Variants in RSBN1 observed in about 807,000 individuals in gnomAD.
RSBN1 encodes the protein round spermatid basic protein 1.
RSBN1 carries 23 observed loss-of-function variants against 74.8 expected under a neutral mutation model. The ratio of observed to expected loss-of-function variants is 0.31; its 90% CI spans 0.22 to 0.44. The LOEUF (loss-of-function observed/expected upper bound fraction) is 0.44, where lower values mean the gene tolerates loss of function less well. Among genes scored for constraint, RSBN1 ranks in the 20% least tolerant of loss-of-function variants. The probability of loss-of-function intolerance (pLI) is 1.00; values close to 1 mark genes in which losing one functional copy is unlikely to be tolerated. For synonymous variants in RSBN1, 407 were observed against 379.6 expected (o/e 1.07, Z -0.84); for missense variants, 808 against 1,020.9 (o/e 0.79, Z 2.84).
At chr1:113,768,002 T>C (rs536658171) in intron 5 of RSBN1, 52 of 397,166 alleles carry the variant, frequency 1.3e-4, no homozygotes, top group African/African-American at 8.3e-4. Flanking sequence ...TCAGTGAGTA[T>C]AGAGTTACAG....
chr1:113,811,837 G>C lies in RSBN1; in HGVS notation c.576C>G (p.His192Gln). 1 of 1,613,782 alleles carries C rather than the reference G, an allele frequency of 6.2e-7. No homozygotes were observed. Among genetic ancestry groups the C allele is most frequent in the Admixed American group, 1.7e-5 (1 of 59,988 alleles). ...CGGGGCCGCGGTGGTGATGGTGCTT[G>C]TGCCGCTCCTTGTGGCCCTTATGCT... is the stretch of plus-strand genomic sequence containing the variant. ...GPKHKGHKER[H>Q]KHHHHRGPDG... Residue 192 changes from histidine (H) to glutamine (Q), a missense_variant, in exon 1 of 7, where the codon CAC becomes CAG. By Grantham distance (24) the His-to-Gln change is conservative. Transcript: ENST00000261441.
intron 1 of RSBN1, among the ~76,000 whole-genome samples, chr1:113,809,700 T>C (rs764174791): frequency 2.0e-5 from 3 of 152,340 alleles, no homozygotes; most frequent in East Asian, 1.9e-4. Context: ...AATGGGCTTA[T>C]CTTAACCCAC....
Position 113,763,965 on chromosome 1 carries a change from A to G in RSBN1, c.*2015T>C, listed in dbSNP as rs1463038743. ...TTAAAAAAAAAAAATTTTTGCTTTA[A>G]CAGCCTTCTCTTCATGATTATTTTT... On this transcript the variant is annotated 3_prime_UTR_variant, in exon 7 of 7. Transcript: ENST00000261441. 1.3e-5 allele frequency: 2 copies of G among 152,426 alleles called. No homozygotes were observed. 9.4% of individuals were successfully genotyped at this position (152,426 alleles called of 1,614,324 possible).
chr1:113,774,720 GTGGCAGGCACC>G (rs922752617), intron 4 of RSBN1, among the ~76,000 whole-genome samples: 3 of 151,706 alleles, frequency 2.0e-5, no homozygotes, highest in African/African-American at 4.8e-5. Flanking sequence ...GCCAGGCATG[GTGGCAGGCACC>G]TGTAGTCCCA....
intron 1 of RSBN1, among the ~76,000 whole-genome samples, chr1:113,807,974 C>T (rs1038306918): frequency 3.3e-5 from 5 of 151,904 alleles, no homozygotes; most frequent in South Asian, 2.1e-4. Context: ...TATCACCACA[C>T]GTCTATTAAA....
intron 2 of RSBN1, among the ~76,000 whole-genome samples, chr1:113,781,832 C>T (rs746470233): frequency 1.3e-5 from 2 of 152,170 alleles, no homozygotes; most frequent in Non-Finnish European, 2.9e-5. Context: ...TCTGCAGTAC[C>T]ACTGCCTTAA....
intron 2 of RSBN1, among the ~76,000 whole-genome samples, chr1:113,794,499 A>C (rs1660431936): frequency 6.6e-6 from 1 of 152,136 alleles, no homozygotes. Flanking sequence ...ATCCCTTAAC[A>C]GTCAGTGCAT....
chr1:113,774,475 C>T (rs1041621267), intron 4 of RSBN1, among the ~76,000 whole-genome samples: 7 of 151,734 alleles, frequency 4.6e-5, no homozygotes, highest in Non-Finnish European at 7.4e-5. Flanking sequence ...GAGATCGAGA[C>T]CATCCTGGCT....
chr1:113,812,090 G>A lies in RSBN1; in HGVS notation c.323C>T (p.Pro108Leu), dbSNP rs763400009. The change falls in exon 1 of 7, where the codon CCT becomes CTT. Residue 108 changes from proline to leucine, a missense_variant. Physicochemically the swap from Pro to Leu is moderately conservative, Grantham distance 98. Around this residue, in one of 6 missense-constraint regions of RSBN1, gnomAD observed 464 missense variants for 401.0 expected, o/e 1.16. Coordinates refer to ENST00000261441, the MANE Select transcript of RSBN1 (RefSeq NM_018364.5). ...EKRGRPSQEP[P>L]LAPPHRRRRS... ...ACGCCGCCGGTGAGGGGGAGCGAGA[G>A]GGGGCTCCTGGCTCGGCCGCCCCCG... 18 of 1,590,828 alleles carry A rather than the reference G, an allele frequency of 1.1e-5. No homozygotes were observed. Among genetic ancestry groups the A allele is most frequent in the Non-Finnish European group, 1.4e-5 (16 of 1,170,122 alleles).
chr1:113,784,081 T>C (rs889921016), intron 2 of RSBN1, among the ~76,000 whole-genome samples: 1 of 152,046 alleles, frequency 6.6e-6, no homozygotes, highest in African/African-American at 2.4e-5. Flanking sequence ...TTGCAAACCA[T>C]ACAAAATGGA....
rs1258385392 is a variant in RSBN1 at position 113,811,938 on chromosome 1, C to G, written c.475G>C (p.Ala159Pro). ...GTGCTTGGGGCCGGGAGAGGGGCAG[C>G]GACAGCGGGCCCGGCGGGTGCCAGC... ...PSLAPAGPAVAAPLPAPSTSA... is the reference protein window; with the variant it reads ...PSLAPAGPAVPAPLPAPSTSA... The change falls in exon 1 of 7, where the codon GCT (alanine) becomes CCT (proline). Residue 159 changes from alanine (A) to proline (P), a missense_variant. Transcript: ENST00000261441. 3 of 1,597,346 alleles carry G rather than the reference C, an allele frequency of 1.9e-6. No individual in the cohort carries two copies. Among genetic ancestry groups the G allele is most frequent in the South Asian group, 2.2e-5 (2 of 89,836 alleles).
At chr1:113,791,953 A>G (rs1660375129) in intron 2 of RSBN1, among the ~76,000 whole-genome samples, 1 of 152,170 alleles carries the variant, frequency 6.6e-6, no homozygotes, top group South Asian at 2.1e-4. Context: ...ACAAGCCCAT[A>G]TAAGGCCTTG....
At chr1:113,792,726 C>T (rs1443445618) in intron 2 of RSBN1, among the ~76,000 whole-genome samples, 2 of 152,010 alleles carry the variant, frequency 1.3e-5, no homozygotes, top group Non-Finnish European at 2.9e-5. Flanking sequence ...CCTAGGAGTT[C>T]AAGGCCTCAG....
rs1194030973 is a variant in RSBN1, at chr1:113,807,749, G to A, written c.703+3961C>T. 2.7e-5 allele frequency among the ~76,000 whole-genome samples: 4 copies of A among 149,036 alleles called. No homozygotes were observed. The Admixed American group carries it at 2.7e-4, about 10-fold the overall frequency. On this transcript the variant is annotated intron_variant, in intron 1 of 6. Coordinates refer to ENST00000261441, the MANE Select transcript of RSBN1 (RefSeq NM_018364.5). ...GCTCTCCAGCCTGGGCAACAAGAGTGAAATTCTGTCTCAAAAAAAAAAATT... is the reference window on the plus strand; with the variant it reads ...GCTCTCCAGCCTGGGCAACAAGAGTAAAATTCTGTCTCAAAAAAAAAAATT...
chr1:113,793,222 T>G (rs1357850945), intron 2 of RSBN1, among the ~76,000 whole-genome samples: 1 of 152,142 alleles, frequency 6.6e-6, no homozygotes, highest in African/African-American at 2.4e-5. Flanking sequence ...CCTAGCAAGC[T>G]CCCTGGTGGT....
At chr1:113,806,525 T>A (rs1441330737) in intron 1 of RSBN1, among the ~76,000 whole-genome samples, 4 of 151,100 alleles carry the variant, frequency 2.6e-5, no homozygotes, top group African/African-American at 9.7e-5. Flanking sequence ...GATGACAGAT[T>A]AAAATACAAA....
chr1:113,781,664 C>T (rs1213972530), intron 2 of RSBN1, among the ~76,000 whole-genome samples: 1 of 152,142 alleles, frequency 6.6e-6, no homozygotes, highest in African/African-American at 2.4e-5. Flanking sequence ...AAACAGAGCT[C>T]GTTTTTTTGT....
intron 2 of RSBN1, among the ~76,000 whole-genome samples, chr1:113,780,237 C>A (rs1290852138): frequency 6.6e-6 from 1 of 152,170 alleles, no homozygotes; most frequent in Non-Finnish European, 1.5e-5. Context: ...CAAGACCAAT[C>A]CTAAAGAAGT....
At chr1:113,794,321 A>G (rs1660428190) in intron 2 of RSBN1, among the ~76,000 whole-genome samples, 1 of 152,164 alleles carries the variant, frequency 6.6e-6, no homozygotes, top group African/African-American at 2.4e-5. Flanking sequence ...CCTCCACACT[A>G]TTATGTAATC....
Sources: gnomAD v4.1 joint callset for allele counts (sites outside exome capture counted in the v4.1 genomes callset) on GRCh38, gnomAD v4.1.1 for gene constraint, gnomAD v4.1.1 regional missense constraint, MANE v1.5 for transcripts, NCBI Gene and HGNC (gene_info 2026-07-23, HGNC 2026-07-21) for gene names.